The following FILIP1L variants were observed in gnomAD, a reference collection of about 807,000 sequenced individuals.
FILIP1L encodes filamin A-interacting protein 1-like.
A neutral mutation model predicts 96.6 loss-of-function variants in FILIP1L; 55 were observed. The observed-to-expected ratio is 0.57, with a 90% CI of 0.46 to 0.71. FILIP1L has a LOEUF of 0.71. Among genes scored for constraint, FILIP1L ranks in the 30% least tolerant of loss-of-function variants. The pLI, the probability that FILIP1L is intolerant of heterozygous loss-of-function variation, is 0.00. For missense variants in FILIP1L, 1,304 were observed against 1,321.2 expected (o/e 0.99, Z 0.20); for synonymous variants, 467 against 473.9 (o/e 0.99, Z 0.19).
intron 4 of FILIP1L, among the ~76,000 whole-genome samples, chr3:99,862,788 A>G (rs1944326248): frequency 6.6e-6 from 1 of 152,090 alleles, no homozygotes; most frequent in South Asian, 2.1e-4. Context: ...TGCTACTCAA[A>G]TGTATTTGGG....
chr3:99,972,168 G>A (rs554763416), intron 1 of FILIP1L, among the ~76,000 whole-genome samples: 1 of 152,236 alleles, frequency 6.6e-6, no homozygotes, highest in East Asian at 1.9e-4. Context: ...GGGGAAAGAT[G>A]TCATTCAAAC....
intron 4 of FILIP1L, among the ~76,000 whole-genome samples, chr3:99,893,754 A>C (rs1706165363): frequency 6.6e-6 from 1 of 152,234 alleles, no homozygotes; most frequent in South Asian, 2.1e-4. Context: ...GAGCAGAAAT[A>C]GTTTCATGCT....
At chr3:99,983,393 T>TAAATAA (rs1401992303) in intron 1 of FILIP1L, among the ~76,000 whole-genome samples, 10 of 87,060 alleles carry the variant, frequency 1.1e-4, no homozygotes, top group African/African-American at 5.3e-4. Flanking sequence ...TAAATAAATA[T>TAAATAA]ATATATATAT....
chr3:100,024,086 C>T (rs993477277), intron 1 of FILIP1L, among the ~76,000 whole-genome samples: 7 of 152,148 alleles, frequency 4.6e-5, no homozygotes, highest in African/African-American at 1.7e-4. Context: ...TCCCACAACT[C>T]TAACTACATC....
intron 1 of FILIP1L, among the ~76,000 whole-genome samples, chr3:100,071,759 T>G (rs1360125704): frequency 1.3e-5 from 2 of 152,202 alleles, no homozygotes; most frequent in Non-Finnish European, 2.9e-5. Context: ...TGGCTCTACC[T>G]CCTGACTTTT....
At chr3:100,078,164 A>G (rs1205122963) in intron 1 of FILIP1L, among the ~76,000 whole-genome samples, 1 of 152,154 alleles carries the variant, frequency 6.6e-6, no homozygotes, top group Non-Finnish European at 1.5e-5. Flanking sequence ...GTGCTAATAT[A>G]TTTGCTCCCA....
Position 99,983,025 on chromosome 3 carries a change from TATGAGGGAAGTCATTGTTCTGTACCC to T in FILIP1L, c.-10-52021_-10-51996del, listed in dbSNP as rs372420577. Among the ~76,000 whole-genome samples, 568 of 152,216 alleles carry T rather than the reference TATGAGGGAAGTCATTGTTCTGTACCC, an allele frequency of 3.7e-3. 3 individuals are homozygous for T. Among genetic ancestry groups the T allele is most frequent in the African/African-American group, 0.013 (540 of 41,526 alleles). ...TGTGCTTTTGTACCCACTGTGTGAA[TATGAGGGAAGTCATTGTTCTGTACCC>T]ATCAGGAATAACACATGCAATGATG... On this transcript the variant is annotated intron_variant, in intron 1 of 5. Transcript: ENST00000477258.
intron 1 of FILIP1L, among the ~76,000 whole-genome samples, chr3:99,969,204 C>T (rs1394870985): frequency 6.6e-6 from 1 of 152,008 alleles, no homozygotes; most frequent in African/African-American, 2.4e-5. Context: ...CCAGGCATAT[C>T]TAAGAAGGGG....
intron 1 of FILIP1L, among the ~76,000 whole-genome samples, chr3:99,945,052 T>G (rs1448666910): frequency 6.6e-6 from 1 of 152,010 alleles, no homozygotes; most frequent in Admixed American, 6.5e-5. Context: ...AAGTCAAAAA[T>G]CATCAAGAAT....
At chr3:99,839,124 C>T (rs73136642) in intron 5 of FILIP1L, among the ~76,000 whole-genome samples, 1 of 152,166 alleles carries the variant, frequency 6.6e-6, no homozygotes, top group Non-Finnish European at 1.5e-5. Context: ...TCCTGTATCC[C>T]CTGCTCAATT....
rs1262986265 is a variant in FILIP1L at position 100,031,581 on chromosome 3, A to G, written c.-11+82472T>C. ...CTGAGCATAAAAACCCAACACCCAA[A>G]CAAGACCTGAGACCCGCATCCCTTG... On this transcript the variant is annotated intron_variant, in intron 1 of 5. Transcript: ENST00000477258. 3.3e-5 allele frequency among the ~76,000 whole-genome samples: 5 copies of G among 152,124 alleles called. No homozygotes were observed. The East Asian group carries it at 7.7e-4, about 23-fold the overall frequency.
rs543350940 is a variant in FILIP1L, at chr3:100,070,187, C to T, written c.-11+43866G>A. ...ACAGCCAGAGCATGATTCTGAACTC[C>T]TTTAATGTGAGAAACACTGAATATC... On this transcript the variant is annotated intron_variant, in intron 1 of 5. Coordinates refer to ENST00000477258, the MANE Select transcript of FILIP1L (RefSeq NM_001387850.1). 2.4e-3 allele frequency among the ~76,000 whole-genome samples: 370 copies of T among 152,248 alleles called. 1 individual carries two copies. Among genetic ancestry groups the T allele is most frequent in the African/African-American group, 8.4e-3 (348 of 41,528 alleles).
intron 4 of FILIP1L, among the ~76,000 whole-genome samples, chr3:99,917,108 T>A (rs1706977739): frequency 1.3e-5 from 2 of 152,216 alleles, no homozygotes; most frequent in Non-Finnish European, 2.9e-5. Context: ...TTTATAGGGC[T>A]GTTAAACTAG....
At position 99,858,631 on chromosome 3, in the gene FILIP1L, C is replaced by T. The variant is rs1944091998; in HGVS notation, c.606-7561G>A. On this transcript the variant is annotated intron_variant, in intron 4 of 5. Coordinates refer to ENST00000477258, the MANE Select transcript of FILIP1L (RefSeq NM_001387850.1). ...AACTAATGTCTGGCTTAATTGAAGA[C>T]AGCTGTATCCTCAGATCTGTTTCAC... Among the ~76,000 whole-genome samples the T allele has an allele frequency of 4.6e-5, 7 of 152,168 alleles. No homozygotes were observed. In the South Asian group the frequency reaches 1.4e-3, roughly 31 times the overall value.
chr3:100,047,796 G>A (rs921721135), intron 1 of FILIP1L, among the ~76,000 whole-genome samples: 1 of 151,964 alleles, frequency 6.6e-6, no homozygotes, highest in African/African-American at 2.4e-5. Flanking sequence ...GTGGCTGTGC[G>A]TCTGGGCCTC....
At chr3:99,937,859 T>G (rs981361627) in intron 1 of FILIP1L, among the ~76,000 whole-genome samples, 2 of 152,202 alleles carry the variant, frequency 1.3e-5, no homozygotes, top group African/African-American at 2.4e-5. Flanking sequence ...AGGCACTGTT[T>G]TAAGTGCTTC....
At chr3:100,007,350 A>T (rs1245127920) in intron 1 of FILIP1L, among the ~76,000 whole-genome samples, 1 of 152,152 alleles carries the variant, frequency 6.6e-6, no homozygotes, top group Non-Finnish European at 1.5e-5. Flanking sequence ...GAGAGCTTTG[A>T]TGATGTGTCT....
intron 1 of FILIP1L, among the ~76,000 whole-genome samples, chr3:99,941,496 G>A (rs1707849594): frequency 6.6e-6 from 1 of 152,214 alleles, no homozygotes; most frequent in Admixed American, 6.5e-5. Context: ...GAAAAACACA[G>A]TATGTGGGGA....
chr3:99,976,053 T>G (rs950148501), intron 1 of FILIP1L, among the ~76,000 whole-genome samples: 13 of 152,064 alleles, frequency 8.5e-5, no homozygotes, highest in African/African-American at 3.1e-4. Flanking sequence ...CCCAGCTAAT[T>G]TTTGTATTTT....
Sources: allele counts gnomAD v4.1 joint callset (sites outside exome capture counted in the v4.1 genomes callset), GRCh38; gene constraint gnomAD v4.1.1; transcripts MANE v1.5; gene names NCBI Gene and HGNC (gene_info 2026-07-23, HGNC 2026-07-21).